The following RREB1 variants were observed in gnomAD, a reference collection of about 807,000 sequenced individuals.
The protein encoded by RREB1 is ras responsive element binding protein 1.
Under a neutral mutation model 117.8 loss-of-function variants are expected in RREB1, and 27 were observed. That is an observed-to-expected ratio of 0.23 (90% CI 0.17 to 0.32). The LOEUF is 0.32. RREB1 is among the 10% of genes least tolerant of loss of function. RREB1 has a pLI of 1.00. For synonymous variants in RREB1, 1,298 were observed against 1,026.7 expected (o/e 1.26, Z -5.05); for missense variants, 2,577 against 2,378.2 (o/e 1.08, Z -1.74).
chr6:7,183,914 A>G (rs1764934677), intron 4 of RREB1: 1 of 152,202 alleles, frequency 6.6e-6, no homozygotes, highest in Admixed American at 6.5e-5. Context: ...TCCAGGAGAG[A>G]TTAGCCACAG....
chr6:7,194,408 G>A (rs1282194880), intron 6 of RREB1, among the ~76,000 whole-genome samples: 2 of 152,048 alleles, frequency 1.3e-5, no homozygotes, highest in Non-Finnish European at 2.9e-5. Context: ...AAAATTAGCC[G>A]GGTGTGGTGA....
At position 7,246,823 on chromosome 6, in the gene RREB1, A is replaced by G. The variant is rs1769088664; in HGVS notation, c.4373A>G (p.Lys1458Arg). 6.4e-7 allele frequency: 1 copy of G among 1,553,486 alleles called. No individual in the cohort carries two copies. The highest frequency in any genetic ancestry group is 1.4e-5 in the African/African-American group (1 of 73,328). ...TGCGACACCTGTGGGAAGAGCTTCA[A>G]GTTCCTGGGCACCCTGAGCCGCCAC... The part of the protein sequence containing the change: ...LACDTCGKSF[K>R]FLGTLSRHRK... Residue 1458 changes from lysine (K) to arginine (R), a missense_variant, in exon 12 of 13, where the codon AAG (lysine) becomes AGG (arginine). Physicochemically the swap from Lys to Arg is conservative, Grantham distance 26. Transcript: ENST00000379938.
chr6:7,232,926 G>A (rs1386007906), intron 10 of RREB1, among the ~76,000 whole-genome samples: 4 of 151,842 alleles, frequency 2.6e-5, no homozygotes, highest in Admixed American at 6.6e-5. Flanking sequence ...ACGGAGTCTC[G>A]CTCTGTTACC....
At chr6:7,119,769 C>G (rs987826698) in intron 1 of RREB1, among the ~76,000 whole-genome samples, 5 of 152,140 alleles carry the variant, frequency 3.3e-5, no homozygotes, top group African/African-American at 7.2e-5. Context: ...TATTCCTACC[C>G]AGAGTTGAGA....
chr6:7,246,391 C>G (rs1043485742), intron 11 of RREB1, 33 bp from the exon 12 acceptor site: 2 of 1,448,052 alleles, frequency 1.4e-6, no homozygotes, highest in Non-Finnish European at 9.1e-7. Flanking sequence ...GGTGGTGCCC[C>G]TCTGAGCCCT....
In RREB1 at chr6:7,111,239, C is replaced by A. The variant is rs533708310; in HGVS notation, c.-285+3179C>A. Reference sequence around the variant, plus strand: ...TTTGCTCTTCAATTTTGAACTGTTGCGTTATTCCACTTCTGAGGTCAGTTA... The same window carrying A: ...TTTGCTCTTCAATTTTGAACTGTTGAGTTATTCCACTTCTGAGGTCAGTTA... On this transcript the variant is annotated intron_variant, in intron 1 of 12. Transcript: ENST00000379938. 1.2e-4 allele frequency among the ~76,000 whole-genome samples: 19 copies of A among 152,268 alleles called. No individual in the cohort carries two copies. The South Asian group carries it at 3.3e-3, about 27-fold the overall frequency.
chr6:7,198,117 C>T (rs1283011944), intron 6 of RREB1, among the ~76,000 whole-genome samples: 5 of 152,240 alleles, frequency 3.3e-5, no homozygotes, highest in East Asian at 3.9e-4. Context: ...CCATCATGGT[C>T]GTATCAAGTT....
chr6:7,205,101 G>A (rs1231783781), intron 6 of RREB1, among the ~76,000 whole-genome samples: 2 of 152,180 alleles, frequency 1.3e-5, no homozygotes, highest in African/African-American at 2.4e-5. Context: ...ATGGTTGACC[G>A]AACCTGCAAA....
rs755091205 is a variant in RREB1 at position 7,231,805 on chromosome 6, C to T, written c.3706C>T (p.Arg1236Trp). ...AGAAGACAAGCTGCTGAGGGCCAAGCGGAACTCGTACACCAACTGCCTGCA... is the reference window on the plus strand; with the variant it reads ...AGAAGACAAGCTGCTGAGGGCCAAGTGGAACTCGTACACCAACTGCCTGCA... ...PPEDKLLRAK[R>W]NSYTNCLQKI... The change falls in exon 10 of 13, where the codon CGG becomes TGG. Residue 1236 changes from arginine to tryptophan, a missense_variant. Transcript: ENST00000379938. 4 of 1,613,586 alleles carry T rather than the reference C, an allele frequency of 2.5e-6. No individual in the cohort carries two copies. The highest frequency in any genetic ancestry group is 1.6e-4 in the Middle Eastern group (1 of 6,084).
intron 6 of RREB1, among the ~76,000 whole-genome samples, chr6:7,197,642 G>A (rs1337243258): frequency 6.6e-6 from 1 of 152,186 alleles, no homozygotes; most frequent in Non-Finnish European, 1.5e-5. Context: ...CTCCAGCCTG[G>A]GCAACAAAGC....
chr6:7,218,369 G>C (rs1767031805), intron 8 of RREB1: 3 of 152,134 alleles, frequency 2.0e-5, no homozygotes, highest in Admixed American at 2.0e-4. Context: ...CCTGTTTGTT[G>C]ACTTTGGGAT....
At chr6:7,177,577 C>T (rs942911661) in intron 2 of RREB1, among the ~76,000 whole-genome samples, 1 of 152,062 alleles carries the variant, frequency 6.6e-6, no homozygotes, top group Non-Finnish European at 1.5e-5. Flanking sequence ...CTCTGTCGCC[C>T]AGGCTGGAAT....
intron 1 of RREB1, among the ~76,000 whole-genome samples, chr6:7,113,174 TTCACCTGAGGGC>T (rs2113282616): frequency 6.6e-6 from 1 of 152,208 alleles, no homozygotes; most frequent in East Asian, 1.9e-4. Flanking sequence ...CCTGCAGGGA[TTCACCTGAGGGC>T]TTGCAGACAT....
chr6:7,199,580 C>T (rs559838075), intron 6 of RREB1, among the ~76,000 whole-genome samples: 2 of 152,116 alleles, frequency 1.3e-5, no homozygotes, highest in East Asian at 3.9e-4. Context: ...GCCTTTTTTT[C>T]TTCTTTTTTG....
At chr6:7,109,203 A>C (rs1269197413) in intron 1 of RREB1, among the ~76,000 whole-genome samples, 4 of 151,230 alleles carry the variant, frequency 2.6e-5, no homozygotes, top group African/African-American at 9.7e-5. Flanking sequence ...TCCTCCTCCC[A>C]TCCCGGCCCC....
In RREB1 at chr6:7,246,973, T is replaced by G; in HGVS notation, c.4523T>G (p.Val1508Gly). The G allele has an allele frequency of 6.4e-7, 1 of 1,570,778 alleles. No homozygotes were observed. Among genetic ancestry groups the G allele is most frequent in the African/African-American group, 1.4e-5 (1 of 71,348 alleles). Residue 1508 changes from valine (V) to glycine (G), a missense_variant, in exon 12 of 13, where the codon GTG (valine) becomes GGG (glycine). By Grantham distance (109) the Val-to-Gly change is moderately radical (BLOSUM62 -3). Transcript: ENST00000379938. ...EKPPETPAEV[V>G]ESAPGAGEAP... ...CCCCCCGAGACCCCGGCAGAGGTGGTGGAGTCGGCCCCGGGTGCCGGGGAG... is the reference window on the plus strand; with the variant it reads ...CCCCCCGAGACCCCGGCAGAGGTGGGGGAGTCGGCCCCGGGTGCCGGGGAG...
chr6:7,231,623 G>T lies in RREB1; in HGVS notation c.3524G>T (p.Ser1175Ile). 6.2e-7 allele frequency: 1 copy of T among 1,611,972 alleles called. No individual in the cohort carries two copies. Among genetic ancestry groups the T allele is most frequent in the Non-Finnish European group, 8.5e-7 (1 of 1,179,610 alleles). ...AGCGGCGGGGTGGACCTGGACTCCA[G>T]CGGGGAGTTTGCCAGCATCGAGAAG... The part of the protein sequence containing the change: ...ANSGGVDLDS[S>I]GEFASIEKML... Residue 1175 changes from serine (S) to isoleucine (I), a missense_variant, in exon 10 of 13, where the codon AGC becomes ATC. By Grantham distance (142) the Ser-to-Ile change is moderately radical. Transcript: ENST00000379938.
In RREB1 at chr6:7,246,446, T is replaced by A. The variant is rs777239561; in HGVS notation, c.3996T>A (p.Thr1332=). ...CAGACAGTCAGTCGGATGCGGAGACTGCAGCCGCCGCGGGCGAAGTGCTAG... is the reference window on the plus strand; with the variant it reads ...CAGACAGTCAGTCGGATGCGGAGACAGCAGCCGCCGCGGGCGAAGTGCTAG... ...DSTDSQSDAE[T]AAAAGEVLDL... Residue 1332 remains threonine (T), a synonymous_variant, in exon 12 of 13, where the codon ACT becomes ACA. Coordinates refer to ENST00000379938, the MANE Select transcript of RREB1 (RefSeq NM_001003699.4). 115 of 1,499,828 alleles carry A rather than the reference T, an allele frequency of 7.7e-5. No homozygotes were observed. In the East Asian group the frequency reaches 2.6e-3, roughly 34 times the overall value. The allele number at this position is 1,499,828 out of a possible 1,614,324, so 92.9% of individuals were successfully genotyped here.
chr6:7,245,737 CCTCA>C (rs1768967722), intron 11 of RREB1, among the ~76,000 whole-genome samples: 1 of 152,172 alleles, frequency 6.6e-6, no homozygotes. Flanking sequence ...AGTCCGCTCC[CCTCA>C]CTGTGTGCTG....
Sources: gnomAD v4.1 joint callset for allele counts (sites outside exome capture counted in the v4.1 genomes callset) on GRCh38, gnomAD v4.1.1 for gene constraint, MANE v1.5 for transcripts, NCBI Gene and HGNC (gene_info 2026-07-23, HGNC 2026-07-21) for gene names.